Variants in RALGAPA2 observed in about 807,000 individuals in gnomAD.
RALGAPA2 encodes ral GTPase-activating protein subunit alpha-2.
In RALGAPA2, 139 loss-of-function variants were observed where a neutral mutation model predicts 230.4. The ratio of observed to expected loss-of-function variants is 0.60; its 90% CI spans 0.53 to 0.69. RALGAPA2 has a LOEUF of 0.69. Ranked by LOEUF, RALGAPA2 falls within the 30% of genes least tolerant of loss-of-function variation. The pLI is 0.00. For synonymous variants in RALGAPA2, 847 were observed against 837.8 expected (o/e 1.01, Z -0.19); for missense variants, 2,163 against 2,276.0 (o/e 0.95, Z 1.01).
intron 37 of RALGAPA2, among the ~76,000 whole-genome samples, chr20:20,444,732 C>T (rs2060820939): frequency 6.6e-6 from 1 of 152,196 alleles, no homozygotes; most frequent in Non-Finnish European, 1.5e-5. Flanking sequence ...GTCTCACCAA[C>T]ACTTGGTATT....
chr20:20,695,890 A>T (rs2069093498), intron 1 of RALGAPA2, among the ~76,000 whole-genome samples: 2 of 152,180 alleles, frequency 1.3e-5, no homozygotes, highest in Non-Finnish European at 2.9e-5. Context: ...CTGCCTTTGC[A>T]ACCATTCATA....
chr20:20,588,562 G>A (rs938403524), intron 18 of RALGAPA2, among the ~76,000 whole-genome samples: 7 of 152,078 alleles, frequency 4.6e-5, no homozygotes, highest in African/African-American at 1.7e-4. Context: ...TGAAGCTGAT[G>A]GTGGGTTTCT....
At chr20:20,700,999 G>GT (rs1258391432) in intron 1 of RALGAPA2, among the ~76,000 whole-genome samples, 1 of 152,020 alleles carries the variant, frequency 6.6e-6, no homozygotes, top group Non-Finnish European at 1.5e-5. Context: ...GTTGTTGTGG[G>GT]TTTTTTTTAA....
chr20:20,689,097 A>G (rs1025890278), intron 1 of RALGAPA2, among the ~76,000 whole-genome samples: 3 of 152,236 alleles, frequency 2.0e-5, no homozygotes, highest in African/African-American at 4.8e-5. Flanking sequence ...AAAAGTCTCT[A>G]TGTTATGTAA....
At chr20:20,424,675 TA>T (rs1210727055) in intron 37 of RALGAPA2, among the ~76,000 whole-genome samples, 4 of 152,106 alleles carry the variant, frequency 2.6e-5, no homozygotes, top group African/African-American at 9.7e-5. Context: ...GGAAAATAAT[TA>T]GAAATGCAGA....
At chr20:20,528,529 A>G (rs1312807991) in intron 27 of RALGAPA2, among the ~76,000 whole-genome samples, 1 of 152,058 alleles carries the variant, frequency 6.6e-6, no homozygotes, top group African/African-American at 2.4e-5. Context: ...GGGTAAGGAG[A>G]AGGAGGAAAG....
At chr20:20,444,463 G>GAC (rs139250770) in intron 37 of RALGAPA2, among the ~76,000 whole-genome samples, 7 of 151,482 alleles carry the variant, frequency 4.6e-5, no homozygotes, top group Non-Finnish European at 1.0e-4. Context: ...CACACGCACA[G>GAC]ACACACACAC....
At chr20:20,483,946 C>T (rs2061843505) in intron 36 of RALGAPA2, among the ~76,000 whole-genome samples, 1 of 152,170 alleles carries the variant, frequency 6.6e-6, no homozygotes, top group Non-Finnish European at 1.5e-5. Context: ...GGTGCACAAA[C>T]ACAAGGGTAG....
chr20:20,408,400 C>G (rs571507463), intron 38 of RALGAPA2, among the ~76,000 whole-genome samples: 78 of 152,318 alleles, frequency 5.1e-4, no homozygotes, highest in African/African-American at 1.5e-3. Flanking sequence ...CAGACACAAT[C>G]TTTAAGGCAG....
intron 10 of RALGAPA2, among the ~76,000 whole-genome samples, chr20:20,627,512 C>T (rs2066525315): frequency 6.6e-6 from 1 of 152,210 alleles, no homozygotes. Flanking sequence ...TGAGAGTCTA[C>T]ACCTGGTTTA....
chr20:20,676,307 A>T lies in RALGAPA2; in HGVS notation c.218-19T>A. On this transcript the variant is annotated intron_variant, in intron 2 of 39. Coordinates refer to ENST00000202677, the MANE Select transcript of RALGAPA2 (RefSeq NM_020343.4). ...TTATTCCCTGGAATATTAAAAAATA[A>T]TTAGTTATCATGACATCATTTAAAC... The T allele has an allele frequency of 6.6e-7, 1 of 1,510,554 alleles. No individual in the cohort carries two copies. The highest frequency in any genetic ancestry group is 1.4e-5 in the African/African-American group (1 of 72,460). The allele number at this position is 1,510,554 out of a possible 1,614,324, so 93.6% of individuals were successfully genotyped here. A position where few individuals can be genotyped will look rare whatever the true frequency, so the allele number is the denominator to read the frequency against.
At chr20:20,408,236 T>C (rs2059986095) in intron 38 of RALGAPA2, among the ~76,000 whole-genome samples, 1 of 152,224 alleles carries the variant, frequency 6.6e-6, no homozygotes, top group Non-Finnish European at 1.5e-5. Context: ...ATCTATCAAC[T>C]TCTGACAAAG....
intron 33 of RALGAPA2, among the ~76,000 whole-genome samples, chr20:20,508,749 T>A (rs1054667024): frequency 6.6e-6 from 1 of 152,248 alleles, no homozygotes; most frequent in Non-Finnish European, 1.5e-5. Flanking sequence ...AGATTTCTCA[T>A]AGCTGAAGAG....
At chr20:20,468,521 T>C (rs372453848) in intron 37 of RALGAPA2, among the ~76,000 whole-genome samples, 1 of 152,142 alleles carries the variant, frequency 6.6e-6, no homozygotes, top group African/African-American at 2.4e-5. Context: ...TTATACCCAA[T>C]CCTCCAGGTG....
chr20:20,467,040 G>A (rs1252927768), intron 37 of RALGAPA2, among the ~76,000 whole-genome samples: 1 of 152,184 alleles, frequency 6.6e-6, no homozygotes, highest in Admixed American at 6.5e-5. Context: ...AAAAACTGCT[G>A]ACTGGAAGAC....
chr20:20,491,983 G>A (rs933734997), intron 36 of RALGAPA2, among the ~76,000 whole-genome samples: 4 of 152,004 alleles, frequency 2.6e-5, no homozygotes, highest in African/African-American at 4.8e-5. Flanking sequence ...AAGAGGAGGC[G>A]GATTCTGCCA....
intron 3 of RALGAPA2, among the ~76,000 whole-genome samples, chr20:20,664,368 G>GA (rs1484683851): frequency 1.3e-5 from 2 of 152,032 alleles, no homozygotes; most frequent in Non-Finnish European, 2.9e-5. Flanking sequence ...TCTTTTTAAA[G>GA]AAAAAAATCA....
intron 36 of RALGAPA2, among the ~76,000 whole-genome samples, chr20:20,484,312 G>GT (rs993744759): frequency 3.9e-5 from 6 of 152,052 alleles, no homozygotes; most frequent in Non-Finnish European, 8.8e-5. Flanking sequence ...ATGTCTTCTT[G>GT]TGTGTTCTAT....
chr20:20,696,440 G>A (rs1170632498), intron 1 of RALGAPA2, among the ~76,000 whole-genome samples: 3 of 152,116 alleles, frequency 2.0e-5, no homozygotes, highest in South Asian at 4.2e-4. Flanking sequence ...GTCTCTATGA[G>A]GGAACCACAT....
Sources: gnomAD v4.1 joint callset for allele counts (sites outside exome capture counted in the v4.1 genomes callset) on GRCh38, gnomAD v4.1.1 for gene constraint, MANE v1.5 for transcripts, NCBI Gene and HGNC (gene_info 2026-07-23, HGNC 2026-07-21) for gene names.